Variants in SH3D21 observed in about 807,000 individuals in gnomAD.
The protein encoded by SH3D21 is SH3 domain-containing protein 21.
In SH3D21, 83 loss-of-function variants were observed where a neutral mutation model predicts 82.1. The ratio of observed to expected loss-of-function variants is 1.01; its 90% CI spans 0.85 to 1.21. SH3D21 has a LOEUF of 1.21. Among genes scored for constraint, SH3D21 ranks in the 50% most tolerant of loss-of-function variants. SH3D21 has a pLI of 0.00. For missense variants in SH3D21, 980 were observed against 962.1 expected (o/e 1.02, Z -0.25); for synonymous variants, 383 against 387.8 (o/e 0.99, Z 0.15).
downstream of SH3D21, chr1:36,323,651 A>G (rs1383615057): frequency 2.0e-5 from 3 of 151,336 alleles, no homozygotes; most frequent in Non-Finnish European, 4.4e-5. Flanking sequence ...AAGAGGAGGG[A>G]CGGGGCGGGG....
At chr1:36,326,197 C>G (rs947397562), downstream of SH3D21, among the ~76,000 whole-genome samples, 1 of 150,398 alleles carries the variant, frequency 6.6e-6, no homozygotes, top group South Asian at 2.1e-4. Flanking sequence ...TGCAGGGACT[C>G]GATGGCCTTG....
chr1:36,319,030 C>T (rs1421256945), intron 10 of SH3D21, 41 bp from the exon 11 acceptor site: 24 of 1,220,960 alleles, frequency 2.0e-5, no homozygotes, highest in Admixed American at 7.9e-5. Context: ...ACAGGGCTAG[C>T]GACTGTCAGA....
chr1:36,315,576 T>G (rs1646328734), intron 10 of SH3D21, among the ~76,000 whole-genome samples: 1 of 152,170 alleles, frequency 6.6e-6, no homozygotes, highest in Non-Finnish European at 1.5e-5. Flanking sequence ...CTCGAACTCC[T>G]GACCTCAGGT....
chr1:36,323,706 G>A (rs1646509222), downstream of SH3D21: 1 of 152,108 alleles, frequency 6.6e-6, no homozygotes, highest in Admixed American at 6.5e-5. Flanking sequence ...GGGAGAGGAA[G>A]GGGAGAGGAG....
Position 36,319,376 on chromosome 1 carries a change from G to C in SH3D21, c.916+64G>C, listed in dbSNP as rs138022699. The C allele has an allele frequency of 5.6e-4, 866 of 1,550,958 alleles. 8 individuals are homozygous for C. In the African/African-American group the frequency reaches 8.8e-3, roughly 16 times the overall value. On this transcript the variant is annotated intron_variant, in intron 12 of 15. Transcript: ENST00000453908. ...GACAGGGATGGGGTGGCTGTGCGGA[G>C]GGACAGAGGTGGGAAGAGACTGAGG... is the stretch of plus-strand genomic sequence containing the variant.
intron 9 of SH3D21, among the ~76,000 whole-genome samples, chr1:36,309,293 T>C (rs889308042): frequency 6.6e-6 from 1 of 151,558 alleles, no homozygotes; most frequent in Non-Finnish European, 1.5e-5. Flanking sequence ...CCCTCTCAGG[T>C]TCAAGCGACT....
At position 36,306,966 on chromosome 1, in the gene SH3D21, G is replaced by C. The variant is rs1031984583; in HGVS notation, c.226+61G>C. ...GGTGCACGGAGCCAGTGCGACCCCG[G>C]CGTCTCCGGCTCTTAGTGACGGGCG... On this transcript the variant is annotated intron_variant, in intron 3 of 15. Transcript: ENST00000453908. This position sits in a 1 kb window ranked among gnomAD's most constrained non-coding sequence, Gnocchi z 4.5. The C allele has an allele frequency of 7.4e-7, 1 of 1,352,006 alleles. No homozygotes were observed. Among genetic ancestry groups the C allele is most frequent in the Non-Finnish European group, 9.6e-7 (1 of 1,044,632 alleles). 83.8% of individuals were successfully genotyped at this position (1,352,006 alleles called of 1,614,324 possible).
chr1:36,327,623 G>T (rs1040318683), downstream of SH3D21: 2 of 1,176,744 alleles, frequency 1.7e-6, no homozygotes, highest in Non-Finnish European at 2.1e-6. Context: ...GGTCAGGTAT[G>T]ACTCAGCCCT....
chr1:36,316,315 ACCT>A (rs1646341968), intron 10 of SH3D21, among the ~76,000 whole-genome samples: 1 of 151,686 alleles, frequency 6.6e-6, no homozygotes, highest in Admixed American at 6.6e-5. Flanking sequence ...GCTCACTGCA[ACCT>A]CCTCCTTCCG....
intron 9 of SH3D21, among the ~76,000 whole-genome samples, chr1:36,308,972 A>G (rs1646185873): frequency 6.6e-6 from 1 of 151,870 alleles, no homozygotes; most frequent in Non-Finnish European, 1.5e-5. Context: ...AAAAAAAAAG[A>G]TAGCTTGGGA....
chr1:36,306,409 GCC>G lies in SH3D21; in HGVS notation c.-9_-8del. ...AGGGAGCTGCCAGGCTCTGGAGGGC[GCC>G]CCGGAAACCATGGGTAAGTGCGGAG... On this transcript the variant is annotated 5_prime_UTR_variant, in exon 1 of 16. Transcript: ENST00000453908. The surrounding 1 kb of genome is among the most constrained non-coding windows in gnomAD (Gnocchi z 4.5). 1 of 1,305,402 alleles carries G rather than the reference GCC, an allele frequency of 7.7e-7. No individual in the cohort carries two copies. Among genetic ancestry groups the G allele is most frequent in the Non-Finnish European group, 1.0e-6 (1 of 988,956 alleles). The allele number at this position is 1,305,402 out of a possible 1,614,324, so 80.9% of individuals were successfully genotyped here.
chr1:36,325,335 G>A (rs1277753625), downstream of SH3D21, among the ~76,000 whole-genome samples: 2 of 152,116 alleles, frequency 1.3e-5, no homozygotes, highest in African/African-American at 4.8e-5. Flanking sequence ...CCGGCCAATA[G>A]TGTATTTTCA....
rs1258714686 is a variant in SH3D21 at position 36,319,481 on chromosome 1, C to G, written c.956C>G (p.Pro319Arg). Residue 319 changes from proline (P) to arginine (R), a missense_variant, in exon 13 of 16, where the codon CCT becomes CGT. Pro to Arg is a moderately radical substitution (Grantham distance 103). Transcript: ENST00000453908. ...TTCCAAAGTGGGGGTTCGTATCACCCTGGCCGAAAGCGATCCAAAACCCAG... is the reference window on the plus strand; with the variant it reads ...TTCCAAAGTGGGGGTTCGTATCACCGTGGCCGAAAGCGATCCAAAACCCAG... ...GGFQSGGSYH[P>R]GRKRSKTQTP... 2.6e-6 allele frequency: 4 copies of G among 1,551,704 alleles called. No individual in the cohort carries two copies. The highest frequency in any genetic ancestry group is 3.9e-5 in the Admixed American group (2 of 50,994).
chr1:36,315,660 T>C (rs1646330564), intron 10 of SH3D21, among the ~76,000 whole-genome samples: 7 of 152,140 alleles, frequency 4.6e-5, no homozygotes, highest in Admixed American at 4.6e-4. Flanking sequence ...GTTGGATCAT[T>C]TTTGTCCAGC....
chr1:36,308,339 G>T, intron 8 of SH3D21, 50 bp from the exon 9 acceptor site: 1 of 1,527,028 alleles, frequency 6.5e-7, no homozygotes. Flanking sequence ...ACCCCGGAAA[G>T]GACCTTGGGG....
At chr1:36,321,967 G>C, downstream of SH3D21, 1 of 1,169,222 alleles carries the variant, frequency 8.6e-7, no homozygotes, top group Non-Finnish European at 1.1e-6. The surrounding 1 kb of genome is among the most constrained non-coding windows in gnomAD (Gnocchi z 6.1). Flanking sequence ...TCAGTCCTGG[G>C]GCCCCTGCGT....
chr1:36,326,190 A>G (rs1412128223), downstream of SH3D21, among the ~76,000 whole-genome samples: 2 of 151,026 alleles, frequency 1.3e-5, no homozygotes, highest in Non-Finnish European at 2.9e-5. Flanking sequence ...CTGCCCGTGC[A>G]GGGACTCGAT....
chr1:36,327,850 G>T (rs1386479697), downstream of SH3D21: 1 of 1,289,494 alleles, frequency 7.8e-7, no homozygotes, highest in African/African-American at 1.5e-5. Context: ...CTGTCCCCAT[G>T]GTCCACATGC....
At chr1:36,310,243 T>C (rs1324271589) in intron 10 of SH3D21, among the ~76,000 whole-genome samples, 1 of 152,206 alleles carries the variant, frequency 6.6e-6, no homozygotes, top group Non-Finnish European at 1.5e-5. Context: ...CGTGAGCCAC[T>C]GCGCCCAGCC....
Sources: gnomAD v4.1 joint callset for allele counts (sites outside exome capture counted in the v4.1 genomes callset) on GRCh38, gnomAD v4.1.1 for gene constraint, Gnocchi (gnomAD v3.1) non-coding constraint, MANE v1.5 for transcripts, NCBI Gene and HGNC (gene_info 2026-07-23, HGNC 2026-07-21) for gene names.